Variants in CC2D2B observed in about 807,000 individuals in gnomAD.
CC2D2B encodes protein CC2D2B.
CC2D2B carries 128 observed loss-of-function variants against 161.2 expected under a neutral mutation model. The observed-to-expected ratio is 0.79, with a 90% confidence interval of 0.69 to 0.92. The LOEUF is 0.92. Among genes scored for constraint, CC2D2B ranks in the 40% least tolerant of loss-of-function variants. The pLI is 0.00. For synonymous variants in CC2D2B, 391 were observed against 449.8 expected, an observed-to-expected ratio of 0.87 and a Z score of 1.65; for missense variants, 1,173 against 1,375.1, an observed-to-expected ratio of 0.85 and a Z score of 2.32.
chr10:95,981,989 T>C lies in CC2D2B; in HGVS notation c.1958T>C (p.Val653Ala), dbSNP rs988833309. 3 of 1,229,512 alleles carry C rather than the reference T, an allele frequency of 2.4e-6. No individual in the cohort carries two copies. Among genetic ancestry groups the C allele is most frequent in the African/African-American group, 3.1e-5 (2 of 64,458 alleles). 76.2% of individuals were successfully genotyped at this position (1,229,512 alleles called of 1,614,324 possible). A position where few individuals can be genotyped will look rare whatever the true frequency, so the allele number is the denominator to read the frequency against. ...RSSYCSMLRN[V>A]DARSVPGIPW... ...CTCTATGTTAGTATGTTAAGGAATGTAGATGCAAGAAGTGTTCCTGGAATT... is the reference window on the plus strand; with the variant it reads ...CTCTATGTTAGTATGTTAAGGAATGCAGATGCAAGAAGTGTTCCTGGAATT... The change falls in exon 18 of 35, where the codon GTA becomes GCA. Residue 653 changes from valine (V) to alanine (A), a missense_variant. By Grantham distance (64) the Val-to-Ala change is moderately conservative (BLOSUM62 0). Coordinates refer to ENST00000646931, the MANE Select transcript of CC2D2B (RefSeq NM_001349008.3).
chr10:95,968,135 C>A (rs2141469928), intron 14 of CC2D2B, among the ~76,000 whole-genome samples: 2 of 152,040 alleles, frequency 1.3e-5, no homozygotes, highest in South Asian at 2.1e-4. Context: ...CTCCTTTGAT[C>A]TTTGGGTTCA....
rs2075928637 is a variant in CC2D2B at position 95,939,037 on chromosome 10, T to A, written c.801+112T>A. 5.8e-6 allele frequency: 3 copies of A among 516,594 alleles called. No homozygotes were observed. In the African/African-American group the frequency reaches 5.9e-5, roughly 10 times the overall value. The allele number at this position is 516,594 out of a possible 1,614,324, so 32.0% of individuals were successfully genotyped here. ...TTTAAAGATACTAAGTCTACTAATATAATGTCTAAATCATGATGAAATGTT... is the reference window on the plus strand; with the variant it reads ...TTTAAAGATACTAAGTCTACTAATAAAATGTCTAAATCATGATGAAATGTT... On this transcript the variant is annotated intron_variant, in intron 9 of 34. Transcript: ENST00000646931.
intron 2 of CC2D2B, among the ~76,000 whole-genome samples, chr10:95,915,293 T>G (rs910669993): frequency 2.0e-5 from 3 of 150,624 alleles, no homozygotes; most frequent in South Asian, 2.1e-4. Flanking sequence ...TGTTCATCAT[T>G]TCTAATTTTT....
chr10:95,943,690 A>G (rs537797275), intron 9 of CC2D2B, among the ~76,000 whole-genome samples: 111 of 152,258 alleles, frequency 7.3e-4, no homozygotes, highest in Non-Finnish European at 1.4e-3. Context: ...TTTAAAGTTC[A>G]TATCTGGTAA....
intron 15 of CC2D2B, among the ~76,000 whole-genome samples, chr10:95,969,708 T>G (rs2077056438): frequency 6.6e-6 from 1 of 152,168 alleles, no homozygotes. Context: ...GTCCCTCTGT[T>G]GAAATTCCTA....
rs1418024240 is a variant in CC2D2B at position 96,019,297 on chromosome 10, G to A, written c.3725G>A (p.Cys1242Tyr). Residue 1242 changes from cysteine to tyrosine, a missense_variant, in exon 31 of 35, where the codon TGT becomes TAT. Around this residue, in one of 3 missense-constraint regions of CC2D2B, gnomAD observed 598 missense variants for 693.2 expected, o/e 0.86. Transcript: ENST00000646931. ...GQCYKQFDPF[C>Y]PLKSVDCLFD... ...TGTTATAAGCAGTTTGACCCGTTTT[G>A]TCCCTTAAAAAGTGTAGATTGTTTG... 1 of 1,611,794 alleles carries A rather than the reference G, an allele frequency of 6.2e-7. No homozygotes were observed.
rs763831398 is a variant in CC2D2B at position 96,032,792 on chromosome 10, C to A, written c.*784C>A. ...GAACTCCCAGGAAACTCTAATTTCT[C>A]CCAATTCTGTGAGGGAGGAAATGGT... On this transcript the variant is annotated 3_prime_UTR_variant, in exon 35 of 35. Transcript: ENST00000646931. The A allele has an allele frequency of 1.1e-5, 5 of 470,142 alleles. No homozygotes were observed. The highest frequency in any genetic ancestry group is 7.8e-5 in the South Asian group (5 of 64,332). The allele number at this position is 470,142 out of a possible 1,614,324, so 29.1% of individuals were successfully genotyped here.
At chr10:95,917,992 A>C (rs1181186321) in intron 2 of CC2D2B, among the ~76,000 whole-genome samples, 1 of 152,050 alleles carries the variant, frequency 6.6e-6, no homozygotes, top group Non-Finnish European at 1.5e-5. Context: ...GGTCAGGCGG[A>C]TCTTGAACTC....
chr10:95,943,962 G>A (rs7893361), intron 9 of CC2D2B, among the ~76,000 whole-genome samples: 89,631 of 151,926 alleles, frequency 0.59, 27,046 homozygotes, highest in Admixed American at 0.66. Context: ...CAGTTTTGTT[G>A]AGGCTCATTC....
At chr10:95,929,976 T>C (rs1218746818) in intron 6 of CC2D2B, among the ~76,000 whole-genome samples, 2 of 152,260 alleles carry the variant, frequency 1.3e-5, no homozygotes, top group Non-Finnish European at 2.9e-5. Flanking sequence ...ATCTATAAAT[T>C]ACTTTGGGCA....
intron 15 of CC2D2B, among the ~76,000 whole-genome samples, chr10:95,971,187 G>C (rs1056326116): frequency 6.6e-6 from 1 of 152,010 alleles, no homozygotes. Context: ...TCAGGAGTTC[G>C]AGTTCAGCCC....
chr10:95,923,725 A>C lies in CC2D2B; in HGVS notation c.98-589A>C, dbSNP rs190046182. Among the ~76,000 whole-genome samples the C allele has an allele frequency of 1.2e-3, 189 of 152,264 alleles. 1 individual carries two copies. The highest frequency in any genetic ancestry group is 3.5e-3 in the Admixed American group (54 of 15,276). The stretch of plus-strand genomic sequence containing the variant: ...TGTACCCACGATAATTAAAAATTTA[A>C]AAAAGAGGGCTGGGCGCGGTGGCTC... On this transcript the variant is annotated intron_variant, in intron 3 of 34. Coordinates refer to ENST00000646931, the MANE Select transcript of CC2D2B (RefSeq NM_001349008.3).
At chr10:96,017,218 T>C (rs2079241191) in intron 30 of CC2D2B, among the ~76,000 whole-genome samples, 3 of 152,250 alleles carry the variant, frequency 2.0e-5, no homozygotes, top group Non-Finnish European at 4.4e-5. Context: ...TTTCTAGCCC[T>C]ACCATGAGTA....
Position 95,926,380 on chromosome 10 carries a change from T to G in CC2D2B, c.241-857T>G, listed in dbSNP as rs964130670. Among the ~76,000 whole-genome samples the G allele has an allele frequency of 2.6e-5, 4 of 152,256 alleles. No individual in the cohort carries two copies. In the South Asian group the frequency reaches 8.3e-4, roughly 32 times the overall value. ...GCAGAGGTGATGGGGGGTAAAAGTA[T>G]ATACTGACAATTCATATAAGCAGCA... On this transcript the variant is annotated intron_variant, in intron 5 of 34. Transcript: ENST00000646931.
At chr10:95,915,331 A>G (rs1201782333) in intron 2 of CC2D2B, among the ~76,000 whole-genome samples, 1 of 152,154 alleles carries the variant, frequency 6.6e-6, no homozygotes, top group East Asian at 1.9e-4. Flanking sequence ...GTTTTTCTAA[A>G]TACATAATTA....
At chr10:95,992,276 T>A (rs1303648853) in intron 21 of CC2D2B, among the ~76,000 whole-genome samples, 1 of 152,244 alleles carries the variant, frequency 6.6e-6, no homozygotes, top group African/African-American at 2.4e-5. Flanking sequence ...CATGTCCACG[T>A]ATCTGTTTGG....
At chr10:95,924,867 T>A in intron 5 of CC2D2B, 23 bp downstream of exon 5, 2 of 1,492,816 alleles carry the variant, frequency 1.3e-6, no homozygotes, top group South Asian at 2.4e-5. Flanking sequence ...TCTCTTTTTT[T>A]ACTTTTTAAA....
intron 9 of CC2D2B, among the ~76,000 whole-genome samples, chr10:95,943,835 G>C (rs1450254512): frequency 1.3e-5 from 2 of 152,084 alleles, no homozygotes; most frequent in East Asian, 3.9e-4. Context: ...AAAAATTATA[G>C]AAGCCCGAGA....
chr10:96,012,078 G>A (rs750482376), intron 26 of CC2D2B, 107 bp from the exon 27 acceptor site: 8 of 532,674 alleles, frequency 1.5e-5, no homozygotes, highest in East Asian at 3.1e-5. Flanking sequence ...GCCCGTTCAC[G>A]CAAGCAAGCA....
Sources: allele counts gnomAD v4.1 joint callset (sites outside exome capture counted in the v4.1 genomes callset), GRCh38; gene constraint gnomAD v4.1.1; regional missense constraint gnomAD v4.1.1; transcripts MANE v1.5; gene names NCBI Gene and HGNC (gene_info 2026-07-23, HGNC 2026-07-21).